Variants in CFAP44 observed in about 807,000 individuals in gnomAD.
The protein encoded by CFAP44 is cilia and flagella associated protein 44.
In CFAP44, 134 loss-of-function variants were observed where a neutral mutation model predicts 216.2. That is an observed-to-expected ratio of 0.62 (90% CI 0.54 to 0.72). CFAP44 has a LOEUF of 0.72. Among genes scored for constraint, CFAP44 ranks in the 30% least tolerant of loss-of-function variants. The pLI, the probability that CFAP44 is intolerant of heterozygous loss-of-function variation, is 0.00. For synonymous variants in CFAP44, 700 were observed against 727.6 expected (o/e 0.96, Z 0.61); for missense variants, 2,035 against 2,182.1 (o/e 0.93, Z 1.34).
chr3:113,387,286 C>T (rs1933675400), intron 15 of CFAP44, among the ~76,000 whole-genome samples: 1 of 152,146 alleles, frequency 6.6e-6, no homozygotes, highest in Non-Finnish European at 1.5e-5. Flanking sequence ...ATAATTCTCC[C>T]ATCTGCTTAA....
chr3:113,298,656 A>G (rs7619913), intron 32 of CFAP44, among the ~76,000 whole-genome samples: 28,330 of 152,254 alleles, frequency 0.19, 2,788 homozygotes, highest in African/African-American at 0.25. Flanking sequence ...TATTTGCCTT[A>G]AAAAGGAAGA....
chr3:113,307,173 A>C (rs61000519), intron 29 of CFAP44, among the ~76,000 whole-genome samples: 13,911 of 152,242 alleles, frequency 0.091, 834 homozygotes, highest in African/African-American at 0.16. Flanking sequence ...ATTTCCAGGA[A>C]ACTAGTCAAA....
At chr3:113,427,375 A>G (rs370441262) in intron 2 of CFAP44, 36 bp from the exon 3 acceptor site, 1 of 1,509,956 alleles carries the variant, frequency 6.6e-7, no homozygotes. Context: ...CTAAATTTTG[A>G]TTAAACATTT....
rs186619145 is a variant in CFAP44, at chr3:113,342,663, C to T, written c.3263-745G>A. ...GTGCTCTGAAGCCAACTAAAAAACT[C>T]ATCAGAAACACAATCAAATAAATAA... On this transcript the variant is annotated intron_variant, in intron 23 of 34. Transcript: ENST00000393845. Among the ~76,000 whole-genome samples the T allele has an allele frequency of 8.5e-5, 13 of 152,134 alleles. No homozygotes were observed. In the East Asian group the frequency reaches 1.7e-3, roughly 20 times the overall value.
intron 22 of CFAP44, among the ~76,000 whole-genome samples, chr3:113,345,254 G>A (rs898568729): frequency 6.6e-6 from 1 of 151,566 alleles, no homozygotes; most frequent in Non-Finnish European, 1.5e-5. Flanking sequence ...ATATCTGTGT[G>A]TGAGTGAAGG....
At chr3:113,408,453 T>C (rs372872994) in intron 7 of CFAP44, among the ~76,000 whole-genome samples, 33 of 152,350 alleles carry the variant, frequency 2.2e-4, no homozygotes, top group African/African-American at 6.0e-4. Context: ...AGAAATTCAG[T>C]AGTGGATGTG....
chr3:113,297,765 T>A (rs559814733), intron 32 of CFAP44, among the ~76,000 whole-genome samples: 1 of 152,360 alleles, frequency 6.6e-6, no homozygotes, highest in South Asian at 2.1e-4. Flanking sequence ...GAAAACATAA[T>A]CTTGTAACAG....
intron 27 of CFAP44, 41 bp downstream of exon 27, chr3:113,327,575 C>G: frequency 1.3e-6 from 2 of 1,503,992 alleles, no homozygotes; most frequent in Non-Finnish European, 1.8e-6. Context: ...TTCTCCATAA[C>G]TAAGGGACCA....
intron 29 of CFAP44, among the ~76,000 whole-genome samples, chr3:113,307,739 G>A (rs1429212813): frequency 2.6e-5 from 4 of 152,170 alleles, no homozygotes; most frequent in African/African-American, 9.7e-5. Flanking sequence ...GGAGGCTGAG[G>A]CAGGTGGATC....
chr3:113,373,699 GATTT>G, intron 17 of CFAP44, 143 bp from the exon 18 acceptor site: 1 of 671,130 alleles, frequency 1.5e-6, no homozygotes, highest in Non-Finnish European at 2.2e-6. Context: ...TATGATTATA[GATTT>G]ATTATTTCTA....
chr3:113,418,031 ATTTAT>A (rs1436251962), intron 5 of CFAP44, among the ~76,000 whole-genome samples: 1 of 151,660 alleles, frequency 6.6e-6, no homozygotes, highest in East Asian at 1.9e-4. Flanking sequence ...TGGGAGTTTT[ATTTAT>A]TTAATTATTT....
intron 4 of CFAP44, among the ~76,000 whole-genome samples, chr3:113,425,302 C>T (rs1291015402): frequency 1.3e-5 from 2 of 152,152 alleles, no homozygotes; most frequent in Admixed American, 1.3e-4. Context: ...GTGGTTTAGG[C>T]CACGTGGTGA....
chr3:113,293,897 C>A (rs758037721), intron 34 of CFAP44: 5 of 427,984 alleles, frequency 1.2e-5, no homozygotes, highest in Non-Finnish European at 2.3e-5. Context: ...GACTGCTGGG[C>A]CCCTCCCCTC....
At chr3:113,365,961 T>C in intron 19 of CFAP44, 78 bp downstream of exon 19, 1 of 1,459,020 alleles carries the variant, frequency 6.9e-7, no homozygotes, top group Non-Finnish European at 9.2e-7. Context: ...TTTTAATTTA[T>C]AACGAATATG....
At chr3:113,384,066 T>C (rs1933584812) in intron 15 of CFAP44, among the ~76,000 whole-genome samples, 1 of 151,950 alleles carries the variant, frequency 6.6e-6, no homozygotes, top group African/African-American at 2.4e-5. Flanking sequence ...ACTTTTTTTT[T>C]TTTTTCTTCT....
intron 15 of CFAP44, among the ~76,000 whole-genome samples, chr3:113,385,666 G>C (rs908498171): frequency 2.0e-5 from 3 of 151,936 alleles, no homozygotes; most frequent in African/African-American, 7.3e-5. Context: ...TTTTGAGCTG[G>C]GGTCTTACTC....
At chr3:113,393,805 G>A (rs552031338) in intron 15 of CFAP44, among the ~76,000 whole-genome samples, 16 of 152,134 alleles carry the variant, frequency 1.1e-4, no homozygotes, top group East Asian at 1.9e-4. Context: ...GTGAGCCACC[G>A]CGCCTGATCT....
chr3:113,344,582 TTC>T lies in CFAP44; in HGVS notation c.3194_3195del (p.Arg1065LysfsTer9), dbSNP rs1371209719. ...SKFKRASQSE[R>X]KPSKLDRFEK... ...TCAAACCTGTCCAATTTGCTTGGTTTTCTCTCTGATTGACTAGCTCGTTTGAA... is the reference window on the plus strand; with the variant it reads ...TCAAACCTGTCCAATTTGCTTGGTTTTCTCTGATTGACTAGCTCGTTTGAA... On this transcript the variant is annotated frameshift_variant, in exon 23 of 35. Transcript: ENST00000393845. LOFTEE classifies it high-confidence loss of function. 6.5e-7 allele frequency: 1 copy of T among 1,537,182 alleles called. No individual in the cohort carries two copies. The highest frequency in any genetic ancestry group is 1.2e-5 in the South Asian group (1 of 84,058).
At chr3:113,395,705 G>T in intron 15 of CFAP44, 45 bp downstream of exon 15, 1 of 1,491,258 alleles carries the variant, frequency 6.7e-7, no homozygotes, top group African/African-American at 1.4e-5. Flanking sequence ...GTTTCACTAT[G>T]TAGTAATTGA....
Sources: allele counts gnomAD v4.1 joint callset (sites outside exome capture counted in the v4.1 genomes callset), GRCh38; gene constraint gnomAD v4.1.1; transcripts MANE v1.5; gene names NCBI Gene and HGNC (gene_info 2026-07-23, HGNC 2026-07-21).